ERGIC2: variants seen among roughly 807,000 people sequenced by gnomAD.
ERGIC2 encodes ERGIC and golgi 2.
A neutral mutation model predicts 52.5 loss-of-function variants in ERGIC2; 31 were observed. The ratio of observed to expected loss-of-function variants is 0.59; its 90% CI spans 0.44 to 0.80. The LOEUF (loss-of-function observed/expected upper bound fraction) is 0.80, where lower values mean the gene tolerates loss of function less well. Ranked by LOEUF, ERGIC2 falls within the 30% of genes least tolerant of loss-of-function variation. The pLI, the probability that ERGIC2 is intolerant of heterozygous loss-of-function variation, is 0.00. For synonymous variants in ERGIC2, 129 were observed against 140.6 expected (o/e 0.92, Z 0.58); for missense variants, 395 against 455.2 (o/e 0.87, Z 1.20).
chr12:29,372,398 A>C (rs1403668753), intron 1 of ERGIC2: 1 of 151,850 alleles, frequency 6.6e-6, no homozygotes, highest in East Asian at 1.9e-4. Flanking sequence ...AAGAAGAAAG[A>C]AGGTGGGAGA....
Position 29,340,737 on chromosome 12 carries a change from TG to T in ERGIC2, c.*418del. 2.5e-6 allele frequency: 1 copy of T among 392,428 alleles called. No individual in the cohort carries two copies. The highest frequency in any genetic ancestry group is 4.8e-6 in the Non-Finnish European group (1 of 206,518). The allele number at this position is 392,428 out of a possible 1,614,324, so 24.3% of individuals were successfully genotyped here. A position where few individuals can be genotyped will look rare whatever the true frequency, so the allele number is the denominator to read the frequency against. ...TCCGTATGTTTTCCACATTTTATTC[TG>T]ACATCATATCTTTTAAAAACAAAAG... On this transcript the variant is annotated 3_prime_UTR_variant, in exon 14 of 14. Transcript: ENST00000360150.
intron 3 of ERGIC2, among the ~76,000 whole-genome samples, chr12:29,369,014 G>C (rs959275434): frequency 1.3e-5 from 2 of 151,860 alleles, no homozygotes; most frequent in Middle Eastern, 3.2e-3. Flanking sequence ...ATCAAATTCA[G>C]TCCTGTGCTT....
At chr12:29,366,144 C>T (rs1483392497) in intron 5 of ERGIC2, among the ~76,000 whole-genome samples, 2 of 151,924 alleles carry the variant, frequency 1.3e-5, no homozygotes, top group Non-Finnish European at 2.9e-5. Context: ...AAAAGGAACT[C>T]AAGAACGCAT....
intron 6 of ERGIC2, among the ~76,000 whole-genome samples, chr12:29,360,020 A>C (rs1190742188): frequency 6.6e-6 from 1 of 152,098 alleles, no homozygotes; most frequent in Non-Finnish European, 1.5e-5. Context: ...ATTCATAAAG[A>C]AATGTTAATT....
At chr12:29,376,128 G>A (rs1444918468) in intron 1 of ERGIC2, among the ~76,000 whole-genome samples, 2 of 152,040 alleles carry the variant, frequency 1.3e-5, no homozygotes, top group Non-Finnish European at 2.9e-5. Flanking sequence ...TGTATTATTT[G>A]AAGCTCTTTA....
At chr12:29,362,540 T>C (rs1361117972) in intron 5 of ERGIC2, among the ~76,000 whole-genome samples, 3 of 151,658 alleles carry the variant, frequency 2.0e-5, no homozygotes, top group Admixed American at 6.6e-5. Flanking sequence ...GAAGTTGCAG[T>C]GAGCAGAGAT....
chr12:29,354,370 A>G (rs1940174039), intron 8 of ERGIC2, among the ~76,000 whole-genome samples: 2 of 152,236 alleles, frequency 1.3e-5, no homozygotes. Flanking sequence ...CTGAGTAGCC[A>G]ATACATCTGT....
At chr12:29,345,716 A>C (rs974812025) in intron 10 of ERGIC2, among the ~76,000 whole-genome samples, 176 bp from the exon 11 acceptor site, 5 of 152,140 alleles carry the variant, frequency 3.3e-5, no homozygotes, top group African/African-American at 1.2e-4. Context: ...GAGTTCAAGA[A>C]CAGTCTCGAA....
chr12:29,356,221 A>G (rs772478544), intron 8 of ERGIC2, among the ~76,000 whole-genome samples, 161 bp downstream of exon 8: 12 of 151,958 alleles, frequency 7.9e-5, no homozygotes, highest in Non-Finnish European at 1.8e-4. Context: ...TGAGGTTTCA[A>G]CATGTTGGGA....
intron 13 of ERGIC2, among the ~76,000 whole-genome samples, 195 bp from the exon 14 acceptor site, chr12:29,341,413 C>A (rs970927530): frequency 2.6e-5 from 1 of 37,798 alleles, no homozygotes; most frequent in Non-Finnish European, 5.0e-5. Context: ...GTCACCCAGG[C>A]TGGAGTGCAG....
chr12:29,357,530 A>G (rs1211579177), intron 7 of ERGIC2, 93 bp downstream of exon 7: 4 of 720,430 alleles, frequency 5.6e-6, no homozygotes, highest in Admixed American at 2.6e-5. Context: ...CCTAAGAAAA[A>G]TAAGATTCAG....
At chr12:29,369,863 A>C (rs576827046) in intron 3 of ERGIC2, among the ~76,000 whole-genome samples, 1 of 152,090 alleles carries the variant, frequency 6.6e-6, no homozygotes, top group African/African-American at 2.4e-5. Flanking sequence ...ATCTAAGGAA[A>C]AATATTCCCC....
chr12:29,352,324 G>A (rs1267956523), intron 8 of ERGIC2, among the ~76,000 whole-genome samples: 2 of 152,100 alleles, frequency 1.3e-5, no homozygotes, highest in East Asian at 3.8e-4. Context: ...TATTTCTCAT[G>A]TATTATATTA....
At chr12:29,362,040 A>C (rs1940293898) in intron 5 of ERGIC2, among the ~76,000 whole-genome samples, 1 of 152,200 alleles carries the variant, frequency 6.6e-6, no homozygotes, top group Non-Finnish European at 1.5e-5. Flanking sequence ...ACAAAAATAC[A>C]GAGTTATATT....
chr12:29,364,858 A>G (rs1038274862), intron 5 of ERGIC2, among the ~76,000 whole-genome samples: 4 of 151,888 alleles, frequency 2.6e-5, no homozygotes, highest in African/African-American at 7.2e-5. Context: ...GAAATGCTCC[A>G]TATCAGTAAT....
At chr12:29,359,731 GA>G (rs1298390142) in intron 6 of ERGIC2, among the ~76,000 whole-genome samples, 1 of 150,984 alleles carries the variant, frequency 6.6e-6, no homozygotes. Flanking sequence ...AATTAAAAGA[GA>G]AAGACTCTTG....
Position 29,340,148 on chromosome 12 carries a change from T to A in ERGIC2, c.*1008A>T, listed in dbSNP as rs1949826780. 6.6e-6 allele frequency: 1 copy of A among 152,334 alleles called. No individual in the cohort carries two copies. The highest frequency in any genetic ancestry group is 2.1e-4 in the South Asian group (1 of 4,828). 9.4% of individuals were successfully genotyped at this position (152,334 alleles called of 1,614,324 possible). Reference sequence around the variant, plus strand: ...TTCATAATACAGTTTTATAGTTTAATGGACAATGTTTAACATGGCACCTCT... The same window carrying A: ...TTCATAATACAGTTTTATAGTTTAAAGGACAATGTTTAACATGGCACCTCT... On this transcript the variant is annotated 3_prime_UTR_variant, in exon 14 of 14. Transcript: ENST00000360150.
At chr12:29,371,729 T>A in intron 1 of ERGIC2, 59 bp from the exon 2 acceptor site, 1 of 771,556 alleles carries the variant, frequency 1.3e-6, no homozygotes. Flanking sequence ...AAAGGTTTCT[T>A]TAAATTTAGG....
chr12:29,350,322 A>C (rs1435061987), intron 8 of ERGIC2, among the ~76,000 whole-genome samples: 5 of 152,136 alleles, frequency 3.3e-5, no homozygotes, highest in Admixed American at 3.3e-4. Context: ...ATGCAAAATC[A>C]AGTATATTAT....
Sources: allele counts gnomAD v4.1 joint callset (sites outside exome capture counted in the v4.1 genomes callset), GRCh38; gene constraint gnomAD v4.1.1; transcripts MANE v1.5; gene names NCBI Gene and HGNC (gene_info 2026-07-23, HGNC 2026-07-21).